STAG1: variants seen among roughly 807,000 people sequenced by gnomAD.
STAG1 encodes the protein cohesin subunit SA-1.
A neutral mutation model predicts 170.9 loss-of-function variants in STAG1; 26 were observed. The observed-to-expected ratio is 0.15, with a 90% CI of 0.11 to 0.21. STAG1 has a LOEUF of 0.21. Ranked by LOEUF, STAG1 falls within the 10% of genes least tolerant of loss-of-function variation. STAG1 has a pLI of 1.00. For synonymous variants in STAG1, 514 were observed against 497.7 expected (o/e 1.03, Z -0.44); for missense variants, 964 against 1,509.5 (o/e 0.64, Z 5.99).
intron 15 of STAG1, among the ~76,000 whole-genome samples, chr3:136,435,430 TACTGTCTTTTCA>T (rs1020182685): frequency 6.6e-6 from 1 of 152,204 alleles, no homozygotes; most frequent in Non-Finnish European, 1.5e-5. Flanking sequence ...CACTACGCTA[TACTGTCTTTTCA>T]GCATAAGCTT....
chr3:136,623,827 T>G (rs1041793428), intron 2 of STAG1, among the ~76,000 whole-genome samples: 3 of 151,958 alleles, frequency 2.0e-5, no homozygotes, highest in Admixed American at 2.0e-4. Flanking sequence ...TGGTGGCGCA[T>G]GCCTGTAATC....
chr3:136,357,188 TC>T (rs1434947589), intron 28 of STAG1, among the ~76,000 whole-genome samples: 1 of 152,146 alleles, frequency 6.6e-6, no homozygotes, highest in African/African-American at 2.4e-5. Context: ...GACCTTGTGA[TC>T]CGCCCGTCTC....
chr3:136,470,627 C>T (rs187721703), intron 12 of STAG1, among the ~76,000 whole-genome samples: 2 of 152,176 alleles, frequency 1.3e-5, no homozygotes, highest in East Asian at 1.9e-4. Flanking sequence ...CCAGCCATCC[C>T]ATTACTGGGT....
At chr3:136,711,675 A>T (rs1403495818) in intron 1 of STAG1, among the ~76,000 whole-genome samples, 1 of 152,230 alleles carries the variant, frequency 6.6e-6, no homozygotes, top group African/African-American at 2.4e-5. Flanking sequence ...TAACAGGATA[A>T]AGGCCCAGAC....
rs1560049705 is a variant in STAG1, at chr3:136,349,264, C to T, written c.3165G>A (p.Gly1055=). Residue 1055 remains glycine (G), a synonymous_variant, in exon 29 of 34, where the codon GGG becomes GGA. Coordinates refer to ENST00000383202, the MANE Select transcript of STAG1 (RefSeq NM_005862.3). ...LISYRNSLVT[G]GEDDRMSVNS... ...TCACAGACATTCTATCATCTTCACC[C>T]CCAGTGACTAATGAATTTCTATAGG... 3 of 1,613,898 alleles carry T rather than the reference C, an allele frequency of 1.9e-6. No individual in the cohort carries two copies. The highest frequency in any genetic ancestry group is 8.5e-7 in the Non-Finnish European group (1 of 1,179,814).
At chr3:136,684,874 C>T (rs1244942438) in intron 1 of STAG1, among the ~76,000 whole-genome samples, 1 of 149,622 alleles carries the variant, frequency 6.7e-6, no homozygotes, top group Non-Finnish European at 1.5e-5. Context: ...CAAAAAATAA[C>T]ATTAAAGACC....
chr3:136,496,053 A>G (rs1265736692), intron 9 of STAG1, among the ~76,000 whole-genome samples: 1 of 151,954 alleles, frequency 6.6e-6, no homozygotes, highest in Non-Finnish European at 1.5e-5. Context: ...CTGAGGCAGG[A>G]GAACCACTTG....
intron 7 of STAG1, among the ~76,000 whole-genome samples, chr3:136,518,864 G>C (rs1162004935): frequency 2.0e-5 from 3 of 152,040 alleles, no homozygotes; most frequent in Non-Finnish European, 4.4e-5. Context: ...AGTTTTAAAG[G>C]TTATGATGAA....
chr3:136,419,748 C>A (rs1174845563), intron 20 of STAG1, among the ~76,000 whole-genome samples: 1 of 151,686 alleles, frequency 6.6e-6, no homozygotes, highest in East Asian at 1.9e-4. Context: ...CAGGCATAAG[C>A]CACCATGCCT....
chr3:136,597,916 G>C (rs933808665), intron 4 of STAG1, among the ~76,000 whole-genome samples: 6 of 151,946 alleles, frequency 3.9e-5, no homozygotes, highest in African/African-American at 9.7e-5. Context: ...CTGTAGGTTT[G>C]GGGGAGATAA....
intron 1 of STAG1, among the ~76,000 whole-genome samples, chr3:136,740,187 G>T (rs923808750): frequency 2.0e-5 from 3 of 152,138 alleles, no homozygotes; most frequent in Non-Finnish European, 4.4e-5. Context: ...AGGTTTCAGT[G>T]AGCCAAGATC....
intron 1 of STAG1, among the ~76,000 whole-genome samples, chr3:136,656,617 T>TTGTGTGTGTCTGTGTGTG (rs1941382371): frequency 7.0e-6 from 1 of 143,294 alleles, no homozygotes; most frequent in Admixed American, 6.9e-5. Flanking sequence ...CTGTATTTAT[T>TTGTGTGTGTCTGTGTGTG]TGTGTGTGTG....
chr3:136,687,088 G>A (rs767160481), intron 1 of STAG1, among the ~76,000 whole-genome samples: 1 of 152,208 alleles, frequency 6.6e-6, no homozygotes, highest in Non-Finnish European at 1.5e-5. Context: ...GACAACCAAT[G>A]TTCAGATTTT....
intron 5 of STAG1, among the ~76,000 whole-genome samples, chr3:136,558,717 C>A (rs1378877527): frequency 6.6e-6 from 1 of 152,188 alleles, no homozygotes; most frequent in Non-Finnish European, 1.5e-5. Flanking sequence ...AATTTGACAT[C>A]ATCCAGAAAA....
intron 15 of STAG1, among the ~76,000 whole-genome samples, chr3:136,438,230 A>G (rs1450833148): frequency 7.2e-6 from 1 of 138,652 alleles, no homozygotes; most frequent in African/African-American, 2.5e-5. Context: ...CTTATCGTTT[A>G]GTTTCTTTTC....
chr3:136,583,983 A>G (rs1265422848), intron 4 of STAG1, among the ~76,000 whole-genome samples: 2 of 152,186 alleles, frequency 1.3e-5, no homozygotes, highest in Non-Finnish European at 2.9e-5. Flanking sequence ...GATCAGCTAC[A>G]TGTCACTCAA....
At chr3:136,457,198 A>G (rs1020709823) in intron 13 of STAG1, among the ~76,000 whole-genome samples, 7 of 152,172 alleles carry the variant, frequency 4.6e-5, no homozygotes, top group Non-Finnish European at 8.8e-5. Flanking sequence ...CACCACAAAT[A>G]TAAGCCCAGG....
chr3:136,502,166 G>GA (rs1359436298), intron 8 of STAG1, among the ~76,000 whole-genome samples: 1 of 151,078 alleles, frequency 6.6e-6, no homozygotes, highest in African/African-American at 2.4e-5. Context: ...CAACAAGAGC[G>GA]AAACTCCATC....
chr3:136,412,439 T>C (rs1372802670), intron 21 of STAG1, among the ~76,000 whole-genome samples: 1 of 152,236 alleles, frequency 6.6e-6, no homozygotes, highest in East Asian at 1.9e-4. Flanking sequence ...GATTATTACA[T>C]AGTTTTAAAG....
Sources: gnomAD v4.1 joint callset for allele counts (sites outside exome capture counted in the v4.1 genomes callset) on GRCh38, gnomAD v4.1.1 for gene constraint, MANE v1.5 for transcripts, NCBI Gene and HGNC (gene_info 2026-07-23, HGNC 2026-07-21) for gene names.